UFM1: variants seen among roughly 807,000 people sequenced by gnomAD.
UFM1 encodes ubiquitin fold modifier 1.
UFM1 carries 9 observed loss-of-function variants against 15.4 expected under a neutral mutation model. The ratio of observed to expected loss-of-function variants is 0.59; its 90% CI spans 0.35 to 1.02. The LOEUF (loss-of-function observed/expected upper bound fraction) is 1.02. Ranked by LOEUF, UFM1 falls within the 50% of genes least tolerant of loss-of-function variation. The probability of loss-of-function intolerance (pLI) is 0.02; values close to 1 mark genes in which losing one functional copy is unlikely to be tolerated. For missense variants in UFM1, 98 were observed against 104.7 expected (o/e 0.94, Z 0.28); for synonymous variants, 27 against 36.3 (o/e 0.74, Z 0.92).
At chr13:38,356,211 G>A (rs1879086614) in intron 3 of UFM1, among the ~76,000 whole-genome samples, 1 of 151,852 alleles carries the variant, frequency 6.6e-6, no homozygotes, top group African/African-American at 2.4e-5. Flanking sequence ...TAAAGTTATA[G>A]GTTGCTACTA....
intron 4 of UFM1, among the ~76,000 whole-genome samples, chr13:38,358,880 A>T (rs563986410): frequency 6.6e-6 from 1 of 152,058 alleles, no homozygotes; most frequent in Admixed American, 6.6e-5. Context: ...TAACTTAGTA[A>T]CGTGTTGAAC....
rs1375264652 is a variant in UFM1 at position 38,363,121 on chromosome 13, A to C, written c.*2343A>C. The C allele has an allele frequency of 1.3e-5, 2 of 152,232 alleles. No individual in the cohort carries two copies. The highest frequency in any genetic ancestry group is 4.8e-5 in the African/African-American group (2 of 41,468). 9.4% of individuals were successfully genotyped at this position (152,232 alleles called of 1,614,324 possible). On this transcript the variant is annotated 3_prime_UTR_variant, in exon 6 of 6. Coordinates refer to ENST00000239878, the MANE Select transcript of UFM1 (RefSeq NM_016617.4). Reference sequence around the variant, plus strand: ...TGATTAATGACCATAAGTCAGAGAAATTAGTTTATAGTCATCTGCCACAGA... The same window carrying C: ...TGATTAATGACCATAAGTCAGAGAACTTAGTTTATAGTCATCTGCCACAGA...
At position 38,354,248 on chromosome 13, in the gene UFM1, T is replaced by C; in HGVS notation, c.69T>C (p.Val23=). The change falls in exon 3 of 6, where the codon GTT becomes GTC. Residue 23 remains valine, a synonymous_variant. Coordinates refer to ENST00000239878, the MANE Select transcript of UFM1 (RefSeq NM_016617.4). ...DPRLPYKVLS[V]PESTPFTAVL... ...AAAATTCTTCTTGCAGACTCAGTGT[T>C]CCTGAAAGTACACCTTTCACAGCAG... The C allele has an allele frequency of 1.2e-6, 2 of 1,609,640 alleles. No individual in the cohort carries two copies. The highest frequency in any genetic ancestry group is 4.5e-5 in the East Asian group (2 of 44,738).
chr13:38,359,386 A>T (rs1194081714), intron 5 of UFM1, 53 bp downstream of exon 5: 2 of 1,574,040 alleles, frequency 1.3e-6, no homozygotes, highest in Non-Finnish European at 1.7e-6. Context: ...ATGTCAATTG[A>T]CACTGAATAG....
At position 38,362,807 on chromosome 13, in the gene UFM1, T is replaced by C. The variant is rs1427895968; in HGVS notation, c.*2029T>C. ...TTGTCCTGTGCCATAAAGTGATATA[T>C]TTAATATTTTTATTCTTTGGTTTTG... On this transcript the variant is annotated 3_prime_UTR_variant, in exon 6 of 6. Coordinates refer to ENST00000239878, the MANE Select transcript of UFM1 (RefSeq NM_016617.4). 1.3e-5 allele frequency: 2 copies of C among 152,170 alleles called. No homozygotes were observed. Among genetic ancestry groups the C allele is most frequent in the African/African-American group, 4.8e-5 (2 of 41,450 alleles). 9.4% of individuals were successfully genotyped at this position (152,170 alleles called of 1,614,324 possible).
intron 3 of UFM1, among the ~76,000 whole-genome samples, chr13:38,356,929 C>A (rs1436706055): frequency 1.3e-5 from 2 of 151,830 alleles, no homozygotes. Flanking sequence ...AAGACATAAA[C>A]ACACTTTGGC....
chr13:38,358,805 C>T (rs2140060776), intron 4 of UFM1, among the ~76,000 whole-genome samples: 1 of 152,072 alleles, frequency 6.6e-6, no homozygotes, highest in Non-Finnish European at 1.5e-5. Flanking sequence ...ATTCTGCATT[C>T]TGTCACATTG....
At position 38,361,457 on chromosome 13, in the gene UFM1, G is replaced by A. The variant is rs1232248463; in HGVS notation, c.*679G>A. On this transcript the variant is annotated 3_prime_UTR_variant, in exon 6 of 6. Coordinates refer to ENST00000239878, the MANE Select transcript of UFM1 (RefSeq NM_016617.4). Reference sequence around the variant, plus strand: ...GTACTTTTAATGGTGGGAATTTACAGTAGAAGCATCCTTTGCTGAGTTATA... The same window carrying A: ...GTACTTTTAATGGTGGGAATTTACAATAGAAGCATCCTTTGCTGAGTTATA... The A allele has an allele frequency of 1.3e-5, 2 of 152,272 alleles. No individual in the cohort carries two copies. Among genetic ancestry groups the A allele is most frequent in the African/African-American group, 4.8e-5 (2 of 41,562 alleles). The allele number at this position is 152,272 out of a possible 1,614,324, so 9.4% of individuals were successfully genotyped here.
In UFM1 at chr13:38,362,880, G is replaced by C. The variant is rs541570969; in HGVS notation, c.*2102G>C. 1 of 152,024 alleles carries C rather than the reference G, an allele frequency of 6.6e-6. No individual in the cohort carries two copies. Among genetic ancestry groups the C allele is most frequent in the Non-Finnish European group, 1.5e-5 (1 of 67,976 alleles). 9.4% of individuals were successfully genotyped at this position (152,024 alleles called of 1,614,324 possible). A position where few individuals can be genotyped will look rare whatever the true frequency, so the allele number is the denominator to read the frequency against. On this transcript the variant is annotated 3_prime_UTR_variant, in exon 6 of 6. Coordinates refer to ENST00000239878, the MANE Select transcript of UFM1 (RefSeq NM_016617.4). ...ATTTTATTAAACAAGTAGACATTTTGTTATTAAAAAAATGTGATCTGTAAT... is the reference window on the plus strand; with the variant it reads ...ATTTTATTAAACAAGTAGACATTTTCTTATTAAAAAAATGTGATCTGTAAT...
intron 2 of UFM1, among the ~76,000 whole-genome samples, chr13:38,351,482 A>T (rs2140050207): frequency 6.6e-6 from 1 of 152,348 alleles, no homozygotes; most frequent in Admixed American, 6.5e-5. Flanking sequence ...CACCAATGTA[A>T]ACCTACCACT....
At chr13:38,360,627 CATTT>C in intron 5 of UFM1, 80 bp from the exon 6 acceptor site, 1 of 1,066,320 alleles carries the variant, frequency 9.4e-7, no homozygotes, top group Non-Finnish European at 1.4e-6. Context: ...TTTACTAAAT[CATTT>C]ATTATATTTA....
chr13:38,352,591 G>C (rs1249380696), intron 2 of UFM1, among the ~76,000 whole-genome samples: 1 of 152,142 alleles, frequency 6.6e-6, no homozygotes, highest in Non-Finnish European at 1.5e-5. Flanking sequence ...GATAATTTAA[G>C]TACCGATTTT....
At chr13:38,360,058 C>T in intron 5 of UFM1, 1 of 400,340 alleles carries the variant, frequency 2.5e-6, no homozygotes, top group Non-Finnish European at 5.0e-6. Context: ...AGTTGAAATT[C>T]AGCCATAAAG....
At chr13:38,358,722 T>G (rs1328232601) in intron 4 of UFM1, among the ~76,000 whole-genome samples, 1 of 152,042 alleles carries the variant, frequency 6.6e-6, no homozygotes, top group Non-Finnish European at 1.5e-5. Flanking sequence ...GTTGCCCAAG[T>G]GCAGTTTGGA....
chr13:38,359,400 AG>A, intron 5 of UFM1, 67 bp downstream of exon 5: 2 of 1,535,458 alleles, frequency 1.3e-6, no homozygotes, highest in Non-Finnish European at 9.0e-7. Flanking sequence ...TGAATAGTTA[AG>A]CTATTCTAAT....
In UFM1 at chr13:38,354,261, C is replaced by T. The variant is rs1447795908; in HGVS notation, c.82C>T (p.Pro28Ser). The change falls in exon 3 of 6, where the codon CCT becomes TCT. Residue 28 changes from proline to serine, a missense_variant. Physicochemically the swap from Pro to Ser is moderately conservative, Grantham distance 74. Transcript: ENST00000239878. ...CAGACTCAGTGTTCCTGAAAGTACA[C>T]CTTTCACAGCAGTCTTAAAGTTTGC... ...YKVLSVPEST[P>S]FTAVLKFAAE... 6.2e-7 allele frequency: 1 copy of T among 1,609,522 alleles called. No individual in the cohort carries two copies. The highest frequency in any genetic ancestry group is 1.3e-5 in the African/African-American group (1 of 74,884).
chr13:38,350,562 AAAGT>A (rs1281177387), intron 2 of UFM1, among the ~76,000 whole-genome samples: 1 of 152,220 alleles, frequency 6.6e-6, no homozygotes, highest in Non-Finnish European at 1.5e-5. Flanking sequence ...CGGGCATCAC[AAAGT>A]AATGAGACTC....
At chr13:38,354,445 A>T in intron 3 of UFM1, 149 bp downstream of exon 3, 1 of 493,666 alleles carries the variant, frequency 2.0e-6, no homozygotes, top group South Asian at 6.7e-5. Flanking sequence ...GATAGTTAAG[A>T]CTTACTTTCA....
intron 2 of UFM1, 195 bp downstream of exon 2, chr13:38,350,250 T>TCAGCTTGG: frequency 6.3e-7 from 1 of 1,592,048 alleles, no homozygotes; most frequent in Non-Finnish European, 8.6e-7. Context: ...TCGCTAAGTG[T>TCAGCTTGG]CAGCTTGGCA....
Sources: allele counts gnomAD v4.1 joint callset (sites outside exome capture counted in the v4.1 genomes callset), GRCh38; gene constraint gnomAD v4.1.1; transcripts MANE v1.5; gene names NCBI Gene and HGNC (gene_info 2026-07-23, HGNC 2026-07-21).